AJAP1: variants seen among roughly 807,000 people sequenced by gnomAD.
The protein encoded by AJAP1 is adherens junction-associated protein 1.
In AJAP1, 5 loss-of-function variants were observed where a neutral mutation model predicts 35.0. The ratio of observed to expected loss-of-function variants is 0.14; its 90% confidence interval spans 0.07 to 0.30. The LOEUF is 0.30. Ranked by LOEUF, AJAP1 falls within the 10% of genes least tolerant of loss-of-function variation. AJAP1 has a pLI of 1.00. For synonymous variants in AJAP1, 284 were observed against 249.3 expected, an observed-to-expected ratio of 1.14 and a Z score of -1.31; for missense variants, 586 against 571.0, an observed-to-expected ratio of 1.03 and a Z score of -0.27.
intron 2 of AJAP1, among the ~76,000 whole-genome samples, chr1:4,737,100 T>G (rs1202986850): frequency 2.0e-5 from 3 of 152,218 alleles, no homozygotes; most frequent in Non-Finnish European, 2.9e-5. Context: ...TACGCCTGTT[T>G]GCAGCATCGC....
chr1:4,773,475 C>A (rs1641883608), intron 4 of AJAP1, among the ~76,000 whole-genome samples: 1 of 152,210 alleles, frequency 6.6e-6, no homozygotes, highest in South Asian at 2.1e-4. Context: ...TCCTGAAATA[C>A]CTTCTGGCCA....
At chr1:4,701,939 C>A (rs1557615518) in intron 1 of AJAP1, among the ~76,000 whole-genome samples, 2 of 152,194 alleles carry the variant, frequency 1.3e-5, no homozygotes, top group African/African-American at 4.8e-5. Context: ...CCCCCAACAC[C>A]CCGCCATGCA....
In AJAP1 at chr1:4,656,353, C is replaced by T. The variant is rs141243911; in HGVS notation, c.29+899C>T. On this transcript the variant is annotated intron_variant, in intron 1 of 5. Coordinates refer to ENST00000378191, the MANE Select transcript of AJAP1 (RefSeq NM_018836.4). The surrounding 1 kb of genome is among the most constrained non-coding windows in gnomAD (Gnocchi z 5.7). ...GGCAGGCTGCCTCTGAGCCCTCGCC[C>T]TCCTGCCGGGGCATTCACCGAGCTC... Among the ~76,000 whole-genome samples the T allele has an allele frequency of 1.8e-4, 27 of 152,230 alleles. 1 individual carries two copies. Among genetic ancestry groups the T allele is most frequent in the Admixed American group, 1.6e-3 (25 of 15,292 alleles).
intron 1 of AJAP1, among the ~76,000 whole-genome samples, chr1:4,678,165 T>C (rs1639401828): frequency 6.6e-6 from 1 of 152,244 alleles, no homozygotes; most frequent in Admixed American, 6.5e-5. Context: ...GGCCTGAAAT[T>C]CATAGCATTC....
chr1:4,683,825 G>A (rs1639541451), intron 1 of AJAP1, among the ~76,000 whole-genome samples: 2 of 152,210 alleles, frequency 1.3e-5, no homozygotes, highest in Admixed American at 1.3e-4. Context: ...TCCCCAGAGA[G>A]GCCAGGGTGG....
chr1:4,672,551 T>C (rs1408363909), intron 1 of AJAP1, among the ~76,000 whole-genome samples: 1 of 152,174 alleles, frequency 6.6e-6, no homozygotes, highest in Non-Finnish European at 1.5e-5. Context: ...GGCAGCTCTT[T>C]CCTGTGGACC....
intron 2 of AJAP1, among the ~76,000 whole-genome samples, chr1:4,747,689 G>C (rs1641221404): frequency 1.3e-5 from 2 of 152,188 alleles, no homozygotes; most frequent in Non-Finnish European, 2.9e-5. Context: ...GCCGACCTCA[G>C]ATGAAAGCTT....
rs1450786804 is a variant in AJAP1 at position 4,720,319 on chromosome 1, G to T, written c.829+7620G>T. 6.6e-6 allele frequency among the ~76,000 whole-genome samples: 1 copy of T among 152,200 alleles called. No homozygotes were observed. On this transcript the variant is annotated intron_variant, in intron 2 of 5. Transcript: ENST00000378191. The surrounding 1 kb of genome is among the most constrained non-coding windows in gnomAD (Gnocchi z 4.4). ...CTTGCAGTCTGTGTAAGGACGTGAT[G>T]ATGCAAAATAAAGGGAAAAAGCCTC...
chr1:4,667,906 C>T (rs1262120519), intron 1 of AJAP1, among the ~76,000 whole-genome samples: 1 of 152,124 alleles, frequency 6.6e-6, no homozygotes, highest in Non-Finnish European at 1.5e-5. Context: ...AAGTTGGATT[C>T]CTCCCTAAAG....
intron 1 of AJAP1, among the ~76,000 whole-genome samples, chr1:4,681,084 C>T (rs1639471816): frequency 6.6e-6 from 1 of 152,152 alleles, no homozygotes; most frequent in Non-Finnish European, 1.5e-5. Context: ...TTAAATAAAT[C>T]AAAGAGACAG....
chr1:4,688,814 C>CT (rs966922899), intron 1 of AJAP1, among the ~76,000 whole-genome samples: 24 of 149,422 alleles, frequency 1.6e-4, no homozygotes, highest in African/African-American at 5.9e-4. Context: ...TGATGCCCTT[C>CT]TTGTTTTCCT....
chr1:4,728,885 T>C (rs1043887945), intron 2 of AJAP1, among the ~76,000 whole-genome samples: 2 of 152,000 alleles, frequency 1.3e-5, no homozygotes, highest in Admixed American at 6.6e-5. Flanking sequence ...GAAACCAGCG[T>C]CCTGTCACCG....
At chr1:4,725,420 G>A (rs775017778) in intron 2 of AJAP1, among the ~76,000 whole-genome samples, 1 of 152,132 alleles carries the variant, frequency 6.6e-6, no homozygotes, top group Non-Finnish European at 1.5e-5. Flanking sequence ...TGTCGTCATG[G>A]TCCCCCTGGT....
chr1:4,766,292 T>G (rs1008645402), intron 2 of AJAP1, among the ~76,000 whole-genome samples: 1 of 152,198 alleles, frequency 6.6e-6, no homozygotes, highest in African/African-American at 2.4e-5. Context: ...ATATTTACTA[T>G]CTGGTCCTTT....
chr1:4,710,954 G>A (rs1360546086), intron 1 of AJAP1, among the ~76,000 whole-genome samples: 1 of 152,154 alleles, frequency 6.6e-6, no homozygotes, highest in Non-Finnish European at 1.5e-5. Context: ...CTCCCCTGCA[G>A]CCCCGCTGCG....
intron 1 of AJAP1, among the ~76,000 whole-genome samples, chr1:4,682,898 G>GC (rs1639518249): frequency 6.6e-6 from 1 of 152,084 alleles, no homozygotes; most frequent in East Asian, 1.9e-4. Flanking sequence ...GATGGTGATG[G>GC]TGATGATGCT....
At chr1:4,779,366 C>T (rs908152153) in intron 5 of AJAP1, among the ~76,000 whole-genome samples, 18 of 150,052 alleles carry the variant, frequency 1.2e-4, no homozygotes, top group African/African-American at 3.2e-4. Context: ...GACAGAGTCT[C>T]GCTCTGTCGC....
intron 1 of AJAP1, among the ~76,000 whole-genome samples, chr1:4,677,900 G>A (rs577514046): frequency 5.9e-5 from 9 of 152,252 alleles, no homozygotes; most frequent in South Asian, 2.1e-4. Context: ...ACTAATTTTC[G>A]TAAAACATAT....
At chr1:4,715,747 G>A (rs1640375013) in intron 2 of AJAP1, among the ~76,000 whole-genome samples, 1 of 152,184 alleles carries the variant, frequency 6.6e-6, no homozygotes, top group Non-Finnish European at 1.5e-5. Flanking sequence ...TGAACACTGA[G>A]CATAAAATAA....
Sources: allele counts gnomAD v4.1 joint callset (sites outside exome capture counted in the v4.1 genomes callset), GRCh38; gene constraint gnomAD v4.1.1; non-coding constraint Gnocchi (gnomAD v3.1); transcripts MANE v1.5; gene names NCBI Gene and HGNC (gene_info 2026-07-23, HGNC 2026-07-21).